The following CASD1 variants were observed in gnomAD, a reference collection of about 807,000 sequenced individuals.
The protein encoded by CASD1 is CAS1 domain sialic acid O acetyltransferase 1.
In CASD1, 41 loss-of-function variants were observed where a neutral mutation model predicts 100.0. The observed-to-expected ratio is 0.41, with a 90% CI of 0.32 to 0.53. The LOEUF (loss-of-function observed/expected upper bound fraction) is 0.53. Among genes scored for constraint, CASD1 ranks in the 20% least tolerant of loss-of-function variants. The probability of loss-of-function intolerance (pLI) is 0.25; values close to 1 mark genes in which losing one functional copy is unlikely to be tolerated. For missense variants in CASD1, 774 were observed against 948.7 expected, an observed-to-expected ratio of 0.82 and a Z score of 2.42; for synonymous variants, 321 against 315.6, an observed-to-expected ratio of 1.02 and a Z score of -0.18.
the CASD1 span, among the ~76,000 whole-genome samples, chr7:94,605,394 AATTG>A: frequency 4.6e-5 from 7 of 152,190 alleles, no homozygotes; most frequent in African/African-American, 1.4e-4. Context: ...TATTTTTCTT[AATTG>A]ATCTAACAGA....
chr7:94,527,159 C>G lies in CASD1; in HGVS notation c.352-3C>G. ...AATATTTCTCTGTCTCCTTTTATGG[C>G]AGCATGAAAACATTCCTTTTGAAGA... On this transcript the variant is annotated splice_polypyrimidine_tract_variant and splice_region_variant and intron_variant, in intron 3 of 17. Transcript: ENST00000297273. 1 of 1,606,066 alleles carries G rather than the reference C, an allele frequency of 6.2e-7. No individual in the cohort carries two copies. Among genetic ancestry groups the G allele is most frequent in the East Asian group, 2.2e-5 (1 of 44,684 alleles).
At chr7:94,613,826 G>C in the CASD1 span, among the ~76,000 whole-genome samples, 1 of 152,058 alleles carries the variant, frequency 6.6e-6, no homozygotes, top group African/African-American at 2.4e-5. Flanking sequence ...TGTTGCCTGG[G>C]AAATGTTGAG....
At chr7:94,533,128 A>G in intron 5 of CASD1, 77 bp from the exon 6 acceptor site, 1 of 1,052,712 alleles carries the variant, frequency 9.5e-7, no homozygotes, top group Non-Finnish European at 1.4e-6. Context: ...ATTTTAAGGA[A>G]AAAAATTAAA....
intron 5 of CASD1, among the ~76,000 whole-genome samples, chr7:94,531,676 T>C (rs1437763738): frequency 2.6e-5 from 4 of 152,198 alleles, no homozygotes; most frequent in Admixed American, 2.0e-4. Context: ...TATTTTTCTC[T>C]ATATTTGTAG....
At chr7:94,511,947 C>A (rs1793732521) in intron 1 of CASD1, among the ~76,000 whole-genome samples, 1 of 152,182 alleles carries the variant, frequency 6.6e-6, no homozygotes, top group African/African-American at 2.4e-5. Flanking sequence ...TCATCAGTTT[C>A]CATAGGTACT....
intron 14 of CASD1, 33 bp downstream of exon 14, chr7:94,549,667 C>A (rs937850640): frequency 8.8e-6 from 13 of 1,470,582 alleles, no homozygotes; most frequent in Non-Finnish European, 1.2e-5. Context: ...TTTGTCATTT[C>A]AAATTATACT....
At chr7:94,518,028 T>C (rs868070955) in intron 2 of CASD1, among the ~76,000 whole-genome samples, 175 bp from the exon 3 acceptor site, 14 of 152,174 alleles carry the variant, frequency 9.2e-5, no homozygotes, top group African/African-American at 3.1e-4. Flanking sequence ...TACAGAGAGT[T>C]AACTGATTAC....
the CASD1 span, chr7:94,628,137 T>A: frequency 2.0e-6 from 2 of 991,512 alleles, no homozygotes; most frequent in Non-Finnish European, 3.1e-6. Flanking sequence ...CAAATTACAA[T>A]ACACACACAC....
At chr7:94,613,375 T>C in the CASD1 span, among the ~76,000 whole-genome samples, 1 of 152,168 alleles carries the variant, frequency 6.6e-6, no homozygotes, top group African/African-American at 2.4e-5. Flanking sequence ...TTGTATGAAG[T>C]GAAAATGAGA....
In CASD1 at chr7:94,555,692, A is replaced by G. The variant is rs1562952297; in HGVS notation, c.2328A>G (p.Ala776=). ...ACTCATCTCTCTTGAAAAGGTTGGCATGTATAGCTGCATTTTTTTGTGGAC... is the reference window on the plus strand; with the variant it reads ...ACTCATCTCTCTTGAAAAGGTTGGCGTGTATAGCTGCATTTTTTTGTGGAC... ...KDNSSLLKRL[A]CIAAFFCGLL... is the part of the protein sequence containing the mutation. The change falls in exon 18 of 18, where the codon GCA becomes GCG. Residue 776 remains alanine (A), a synonymous_variant. Transcript: ENST00000297273. 2 of 1,613,376 alleles carry G rather than the reference A, an allele frequency of 1.2e-6. No homozygotes were observed. The highest frequency in any genetic ancestry group is 1.7e-6 in the Non-Finnish European group (2 of 1,179,550).
the CASD1 span, among the ~76,000 whole-genome samples, chr7:94,601,934 T>C: frequency 3.4e-3 from 513 of 152,182 alleles, 2 homozygotes; most frequent in African/African-American, 0.012. Flanking sequence ...TGAAATCTTT[T>C]GTGGCAAGAT....
At chr7:94,572,715 A>G in the CASD1 span, among the ~76,000 whole-genome samples, 2 of 152,196 alleles carry the variant, frequency 1.3e-5, no homozygotes, top group Non-Finnish European at 2.9e-5. Context: ...TTTGCTGTGC[A>G]GAAGCTCTTT....
chr7:94,536,531 A>G lies in CASD1; in HGVS notation c.844-941A>G, dbSNP rs115630152. On this transcript the variant is annotated intron_variant, in intron 8 of 17. Coordinates refer to ENST00000297273, the MANE Select transcript of CASD1 (RefSeq NM_022900.5). ...CCTGCAGAATAATGTGTATGTTTGC[A>G]TGTACATATGGTTCTCCATATACAT... 3.0e-3 allele frequency among the ~76,000 whole-genome samples: 454 copies of G among 152,318 alleles called. 3 individuals are homozygous for G. The highest frequency in any genetic ancestry group is 0.01 in the African/African-American group (423 of 41,576).
intron 1 of CASD1, among the ~76,000 whole-genome samples, chr7:94,512,448 G>A (rs940366286): frequency 1.3e-5 from 2 of 152,210 alleles, no homozygotes; most frequent in African/African-American, 4.8e-5. Flanking sequence ...GAGTATGAGT[G>A]TGCTGAGGCA....
At chr7:94,520,300 T>G (rs943010981) in intron 3 of CASD1, among the ~76,000 whole-genome samples, 2 of 152,236 alleles carry the variant, frequency 1.3e-5, no homozygotes, top group African/African-American at 4.8e-5. Flanking sequence ...AGCTTACTAC[T>G]TTTATTTAAA....
At chr7:94,526,755 G>A (rs1794590233) in intron 3 of CASD1, among the ~76,000 whole-genome samples, 1 of 152,162 alleles carries the variant, frequency 6.6e-6, no homozygotes, top group African/African-American at 2.4e-5. Context: ...ATTGCTCCTT[G>A]TACTACAGCC....
chr7:94,564,952 G>C, the CASD1 span, among the ~76,000 whole-genome samples: 5 of 152,180 alleles, frequency 3.3e-5, no homozygotes, highest in East Asian at 9.6e-4. Flanking sequence ...CATAGTCTCA[G>C]ATCTGGGAAA....
chr7:94,524,725 G>T (rs868272891), intron 3 of CASD1, among the ~76,000 whole-genome samples: 2 of 152,084 alleles, frequency 1.3e-5, no homozygotes, highest in East Asian at 3.8e-4. Context: ...TATTTTATCA[G>T]TTGACCTGTA....
chr7:94,592,342 T>C, the CASD1 span, among the ~76,000 whole-genome samples: 3 of 152,160 alleles, frequency 2.0e-5, no homozygotes, highest in African/African-American at 4.8e-5. Flanking sequence ...TTCTCATCTT[T>C]GGTGAGAGCA....
Sources: allele counts gnomAD v4.1 joint callset (sites outside exome capture counted in the v4.1 genomes callset), GRCh38; gene constraint gnomAD v4.1.1; transcripts MANE v1.5; gene names NCBI Gene and HGNC (gene_info 2026-07-23, HGNC 2026-07-21).